IQCK: variants seen among roughly 807,000 people sequenced by gnomAD.
The protein encoded by IQCK is IQ motif containing K, also known as IQ domain-containing protein K.
A neutral mutation model predicts 28.1 loss-of-function variants in IQCK; 29 were observed. That is an observed-to-expected ratio of 1.03 (90% CI 0.77 to 1.41). IQCK has a LOEUF of 1.41. Among genes scored for constraint, IQCK ranks in the 40% most tolerant of loss-of-function variants. The pLI, the probability that IQCK is intolerant of heterozygous loss-of-function variation, is 0.00. For missense variants in IQCK, 359 were observed against 314.7 expected, an observed-to-expected ratio of 1.14 and a Z score of -1.07; for synonymous variants, 113 against 115.1, an observed-to-expected ratio of 0.98 and a Z score of 0.12.
intron 1 of IQCK, among the ~76,000 whole-genome samples, chr16:19,725,270 T>C (rs1977620616): frequency 6.6e-6 from 1 of 152,166 alleles, no homozygotes; most frequent in African/African-American, 2.4e-5. Context: ...TGATCGTGCT[T>C]ACTACAGCCT....
chr16:19,840,594 C>T (rs948645135), intron 9 of IQCK, among the ~76,000 whole-genome samples: 2 of 152,160 alleles, frequency 1.3e-5, no homozygotes, highest in African/African-American at 4.8e-5. Flanking sequence ...ATGAGGCAAG[C>T]ATTTTCCCAA....
intron 4 of IQCK, among the ~76,000 whole-genome samples, chr16:19,749,277 C>A (rs763651679): frequency 3.3e-5 from 5 of 152,222 alleles, no homozygotes; most frequent in African/African-American, 4.8e-5. Context: ...GATCATCTGT[C>A]AGTTATTCAT....
At chr16:19,774,220 G>A (rs1222651745) in intron 6 of IQCK, among the ~76,000 whole-genome samples, 2 of 151,916 alleles carry the variant, frequency 1.3e-5, no homozygotes, top group Non-Finnish European at 2.9e-5. Context: ...TGTGACTTTG[G>A]GCAAAGATGA....
chr16:19,814,863 T>C (rs574615888), intron 7 of IQCK, among the ~76,000 whole-genome samples: 33 of 148,804 alleles, frequency 2.2e-4, no homozygotes, highest in Admixed American at 4.7e-4. Flanking sequence ...TCACATTGAC[T>C]GCACCCTCGA....
At chr16:19,737,900 T>C (rs890310227) in intron 4 of IQCK, among the ~76,000 whole-genome samples, 3 of 152,194 alleles carry the variant, frequency 2.0e-5, no homozygotes, top group Non-Finnish European at 4.4e-5. Flanking sequence ...TACTTGTTTT[T>C]CCAAACTCAG....
At chr16:19,759,185 C>T (rs1341349574) in intron 4 of IQCK, among the ~76,000 whole-genome samples, 1 of 151,956 alleles carries the variant, frequency 6.6e-6, no homozygotes, top group African/African-American at 2.4e-5. Flanking sequence ...CTGCTCTGTC[C>T]AGTGCAGTCA....
intron 6 of IQCK, among the ~76,000 whole-genome samples, chr16:19,784,208 C>G (rs1268769517): frequency 2.0e-5 from 3 of 151,998 alleles, no homozygotes; most frequent in Non-Finnish European, 1.5e-5. Context: ...ACCCTCCCTG[C>G]CCCCATTTTT....
At chr16:19,827,999 G>C (rs998636192), downstream of IQCK, among the ~76,000 whole-genome samples, 42 of 151,674 alleles carry the variant, frequency 2.8e-4, no homozygotes, top group African/African-American at 1.0e-3. Context: ...TGCAACCTCC[G>C]CCTTCTGGGT....
At chr16:19,746,172 AAG>A (rs201807547) in intron 4 of IQCK, among the ~76,000 whole-genome samples, 3,270 of 138,382 alleles carry the variant, frequency 0.024, 149 homozygotes, top group African/African-American at 0.1. Flanking sequence ...AAAAAAAAAA[AAG>A]AGTCTAGCTT....
chr16:19,769,852 G>A (rs1002723798), intron 6 of IQCK, among the ~76,000 whole-genome samples: 1 of 152,122 alleles, frequency 6.6e-6, no homozygotes, highest in African/African-American at 2.4e-5. Flanking sequence ...TTAGGGCCAT[G>A]TTAGTGGAAA....
At position 19,812,851 on chromosome 16, in the gene IQCK, A is replaced by G. The variant is rs377085499; in HGVS notation, c.691-14175A>G. Among the ~76,000 whole-genome samples, 1,372 of 152,206 alleles carry G rather than the reference A, an allele frequency of 9.0e-3. 13 individuals are homozygous for G. Among genetic ancestry groups the G allele is most frequent in the Middle Eastern group, 0.054 (16 of 294 alleles). ...TCATTGCAGAAAAAGGTAGGGGGGG[A>G]AATTCAGATTTGAAAAAACTTAAGT... is the stretch of plus-strand genomic sequence containing the variant. On this transcript the variant is annotated intron_variant, in intron 7 of 7. Coordinates refer to ENST00000564186, the Ensembl canonical transcript of IQCK.
chr16:19,854,829 C>T (rs2056535499), intron 9 of IQCK, among the ~76,000 whole-genome samples: 1 of 152,126 alleles, frequency 6.6e-6, no homozygotes, highest in Non-Finnish European at 1.5e-5. Context: ...GCATCCTTGA[C>T]TATGAAGAGT....
chr16:19,806,065 A>T (rs1389718331), intron 7 of IQCK, among the ~76,000 whole-genome samples: 2 of 152,256 alleles, frequency 1.3e-5, no homozygotes, highest in African/African-American at 4.8e-5. Flanking sequence ...ACTATTTTAG[A>T]TGGTGAATTT....
chr16:19,779,818 C>T (rs1052208893), intron 6 of IQCK, among the ~76,000 whole-genome samples: 2 of 148,400 alleles, frequency 1.3e-5, no homozygotes, highest in East Asian at 4.0e-4. Context: ...CCTGGGTTCA[C>T]GCCATTCTCC....
intron 1 of IQCK, among the ~76,000 whole-genome samples, chr16:19,720,916 G>A (rs772525293): frequency 3.3e-5 from 5 of 152,036 alleles, no homozygotes; most frequent in Non-Finnish European, 4.4e-5. Context: ...GGAGACTGAG[G>A]CAGGAGAGTC....
intron 1 of IQCK, among the ~76,000 whole-genome samples, chr16:19,724,024 G>A (rs953662397): frequency 2.6e-5 from 4 of 151,796 alleles, no homozygotes; most frequent in Non-Finnish European, 4.4e-5. Context: ...AGACTCCTTG[G>A]GGGTGAGTCT....
intron 6 of IQCK, among the ~76,000 whole-genome samples, chr16:19,778,965 G>A (rs2151724869): frequency 6.6e-6 from 1 of 152,262 alleles, no homozygotes; most frequent in South Asian, 2.1e-4. Context: ...TTACCACAAA[G>A]TTGGTGCTTA....
chr16:19,828,916 T>TTA (rs987295304), downstream of IQCK, among the ~76,000 whole-genome samples: 1 of 143,182 alleles, frequency 7.0e-6, no homozygotes, highest in Non-Finnish European at 1.5e-5. Context: ...TTATATATTT[T>TTA]TATATATATA....
At chr16:19,762,980 C>T (rs1247745313) in intron 4 of IQCK, among the ~76,000 whole-genome samples, 2 of 152,088 alleles carry the variant, frequency 1.3e-5, no homozygotes, top group Non-Finnish European at 2.9e-5. Context: ...CACGCCACTG[C>T]AGTCCAGCCT....
Sources: gnomAD v4.1 joint callset for allele counts (sites outside exome capture counted in the v4.1 genomes callset) on GRCh38, gnomAD v4.1.1 for gene constraint, MANE v1.5 for transcripts, NCBI Gene and HGNC (gene_info 2026-07-23, HGNC 2026-07-21) for gene names.